ZCWPW2: variants seen among roughly 807,000 people sequenced by gnomAD.
ZCWPW2 encodes zinc finger CW-type and PWWP domain containing 2, also known as zinc finger CW-type PWWP domain protein 2.
A neutral mutation model predicts 46.6 loss-of-function variants in ZCWPW2; 45 were observed. The observed-to-expected ratio is 0.96, with a 90% confidence interval of 0.76 to 1.24. The LOEUF is 1.24. Among genes scored for constraint, ZCWPW2 ranks in the 50% most tolerant of loss-of-function variants. The probability of loss-of-function intolerance (pLI) is 0.00; values close to 1 mark genes in which losing one functional copy is unlikely to be tolerated. For missense variants in ZCWPW2, 429 were observed against 403.9 expected (o/e 1.06, Z -0.53); for synonymous variants, 152 against 137.1 (o/e 1.11, Z -0.76).
chr3:28,400,200 A>G (rs1461379163), intron 2 of ZCWPW2, among the ~76,000 whole-genome samples: 1 of 152,164 alleles, frequency 6.6e-6, no homozygotes, highest in Non-Finnish European at 1.5e-5. Flanking sequence ...GCTTGAAGAC[A>G]AGGTCTTTGG....
chr3:28,435,625 A>G (rs1287185575), intron 4 of ZCWPW2, among the ~76,000 whole-genome samples: 1 of 151,600 alleles, frequency 6.6e-6, no homozygotes, highest in East Asian at 1.9e-4. Context: ...AGCTGGGACT[A>G]CAGGTGCCCG....
intron 9 of ZCWPW2, among the ~76,000 whole-genome samples, chr3:28,521,318 T>G (rs1302025150): frequency 6.6e-6 from 1 of 152,184 alleles, no homozygotes; most frequent in Non-Finnish European, 1.5e-5. Context: ...AAAAACAATC[T>G]GTGTTTAAGT....
intron 2 of ZCWPW2, among the ~76,000 whole-genome samples, chr3:28,399,687 C>A (rs1695847911): frequency 6.6e-6 from 1 of 152,146 alleles, no homozygotes; most frequent in Admixed American, 6.5e-5. Context: ...CAGATAATTA[C>A]TACAGCTCAG....
At chr3:28,349,888 T>C (rs1704473060) in intron 1 of ZCWPW2, among the ~76,000 whole-genome samples, 1 of 152,168 alleles carries the variant, frequency 6.6e-6, no homozygotes, top group South Asian at 2.1e-4. Flanking sequence ...CACTCAAGGG[T>C]TTATATGAAA....
At chr3:28,352,126 GCACACACACACACACACACACACA>G (rs111383620) in intron 1 of ZCWPW2, among the ~76,000 whole-genome samples, 1 of 129,606 alleles carries the variant, frequency 7.7e-6, no homozygotes, top group East Asian at 2.3e-4. Flanking sequence ...TCAGATGTAT[GCACACACACACACACACACACACA>G]CACACACACA....
intron 4 of ZCWPW2, among the ~76,000 whole-genome samples, chr3:28,454,552 T>C (rs1000149630): frequency 6.7e-4 from 102 of 152,264 alleles, no homozygotes; most frequent in African/African-American, 2.4e-3. Flanking sequence ...GTGTGTGCCA[T>C]GGTGGTTTGC....
intron 4 of ZCWPW2, among the ~76,000 whole-genome samples, chr3:28,460,071 A>G (rs1698568149): frequency 6.6e-6 from 1 of 152,104 alleles, no homozygotes; most frequent in Non-Finnish European, 1.5e-5. Context: ...CCAGTTAGGA[A>G]TTTGGTCTTC....
chr3:28,365,392 A>G (rs1282378208), intron 1 of ZCWPW2, among the ~76,000 whole-genome samples: 1 of 141,270 alleles, frequency 7.1e-6, no homozygotes, highest in African/African-American at 2.5e-5. Flanking sequence ...AGCACCATTT[A>G]TTAAATAGGG....
At chr3:28,486,021 C>T (rs753412952) in intron 5 of ZCWPW2, among the ~76,000 whole-genome samples, 1 of 151,882 alleles carries the variant, frequency 6.6e-6, no homozygotes, top group Non-Finnish European at 1.5e-5. Flanking sequence ...CACTCTTTTT[C>T]TGTCTTTGTG....
chr3:28,417,441 G>C (rs540011518), intron 3 of ZCWPW2, among the ~76,000 whole-genome samples: 17 of 152,202 alleles, frequency 1.1e-4, no homozygotes, highest in Non-Finnish European at 2.4e-4. Context: ...GAGGTACAAG[G>C]AGGACCTGGT....
In ZCWPW2 at chr3:28,450,349, T is replaced by C. The variant is rs140947837; in HGVS notation, c.492+15080T>C. ...ACATGTCTAACCCAATAGTAATCAG[T>C]TTAACTGAGCACAACGTTGAGGTCA... On this transcript the variant is annotated intron_variant, in intron 4 of 9. Transcript: ENST00000383768. Among the ~76,000 whole-genome samples, 445 of 152,288 alleles carry C rather than the reference T, an allele frequency of 2.9e-3. 1 individual carries two copies. Among genetic ancestry groups the C allele is most frequent in the Non-Finnish European group, 4.3e-3 (291 of 68,006 alleles).
At chr3:28,516,887 C>T (rs1700587662) in intron 8 of ZCWPW2, among the ~76,000 whole-genome samples, 1 of 152,044 alleles carries the variant, frequency 6.6e-6, no homozygotes, top group South Asian at 2.1e-4. Flanking sequence ...TGGCACATGC[C>T]TGTAGTCCTA....
At chr3:28,436,862 A>G (rs904682190) in intron 4 of ZCWPW2, among the ~76,000 whole-genome samples, 10 of 152,216 alleles carry the variant, frequency 6.6e-5, no homozygotes, top group Admixed American at 3.9e-4. Context: ...TATAAAGGAT[A>G]CGGGAATCTT....
Position 28,525,872 on chromosome 3 carries a change from T to C in ZCWPW2, c.*1184T>C, listed in dbSNP as rs1700834282. Among the ~76,000 whole-genome samples, 1 of 152,182 alleles carries C rather than the reference T, an allele frequency of 6.6e-6. No homozygotes were observed. Among genetic ancestry groups the C allele is most frequent in the African/African-American group, 2.4e-5 (1 of 41,460 alleles). ...TGTATTCCTTAGCATTCTGATATTG[T>C]GTCATAGGATGTTGAGTTGTAAAGC... On this transcript the variant is annotated 3_prime_UTR_variant, in exon 10 of 10. Coordinates refer to ENST00000383768, the MANE Select transcript of ZCWPW2 (RefSeq NM_001040432.4).
intron 4 of ZCWPW2, among the ~76,000 whole-genome samples, chr3:28,473,678 G>A (rs764668554): frequency 3.3e-5 from 5 of 152,252 alleles, no homozygotes; most frequent in East Asian, 1.9e-4. Flanking sequence ...GGAACACACC[G>A]TGGAATACTA....
Position 28,477,736 on chromosome 3 carries a change from T to C in ZCWPW2, c.493-1078T>C, listed in dbSNP as rs77049733. 8.2e-3 allele frequency among the ~76,000 whole-genome samples: 1,241 copies of C among 152,242 alleles called. 21 individuals are homozygous for C. The highest frequency in any genetic ancestry group is 0.028 in the African/African-American group (1,174 of 41,562). On this transcript the variant is annotated intron_variant, in intron 4 of 9. Coordinates refer to ENST00000383768, the MANE Select transcript of ZCWPW2 (RefSeq NM_001040432.4). ...TCTGTGTAAAGGGTGAATTATCTTA[T>C]ACATCTGAGAGAAAAATATAATCTT...
intron 8 of ZCWPW2, among the ~76,000 whole-genome samples, chr3:28,519,961 T>C (rs192905137): frequency 6.6e-6 from 1 of 152,188 alleles, no homozygotes; most frequent in African/African-American, 2.4e-5. Context: ...GGATATTGTT[T>C]TATCTCAGCA....
chr3:28,390,116 T>C (rs1021965180), intron 1 of ZCWPW2, among the ~76,000 whole-genome samples: 1 of 152,188 alleles, frequency 6.6e-6, no homozygotes, highest in African/African-American at 2.4e-5. Context: ...GCCATGGGAA[T>C]GTCAGCCCAC....
At chr3:28,467,289 T>C (rs1698859218) in intron 4 of ZCWPW2, among the ~76,000 whole-genome samples, 1 of 151,900 alleles carries the variant, frequency 6.6e-6, no homozygotes, top group Admixed American at 6.6e-5. Context: ...AAATACAAAC[T>C]ACAAACAGAG....
Sources: allele counts gnomAD v4.1 joint callset (sites outside exome capture counted in the v4.1 genomes callset), GRCh38; gene constraint gnomAD v4.1.1; transcripts MANE v1.5; gene names NCBI Gene and HGNC (gene_info 2026-07-23, HGNC 2026-07-21).